WASHC2C: variants seen among roughly 807,000 people sequenced by gnomAD.
The protein encoded by WASHC2C is WASH complex subunit 2C.
A neutral mutation model predicts 142.2 loss-of-function variants in WASHC2C; 73 were observed. That is an observed-to-expected ratio of 0.51 (90% CI 0.43 to 0.62). The LOEUF (loss-of-function observed/expected upper bound fraction) is 0.62. Among genes scored for constraint, WASHC2C ranks in the 20% least tolerant of loss-of-function variants. The pLI, the probability that WASHC2C is intolerant of heterozygous loss-of-function variation, is 0.00. For missense variants in WASHC2C, 969 were observed against 1,531.7 expected, an observed-to-expected ratio of 0.63 and a Z score of 6.13; for synonymous variants, 337 against 565.5, an observed-to-expected ratio of 0.60 and a Z score of 5.73.
chr10:45,769,589 A>C lies in WASHC2C; in HGVS notation c.2010A>C (p.Glu670Asp), dbSNP rs1554883839. The change falls in exon 20 of 31, where the codon GAA (glutamate) becomes GAC (aspartate). Residue 670 changes from glutamate to aspartate, a missense_variant. Coordinates refer to ENST00000623400, the MANE Select transcript of WASHC2C (RefSeq NM_001330074.2). ...CCAGTCTCTTTGAGGAAGACAAAGA[A>C]GATGATCTTTTTGCCATTGCCAAGG... Reference protein sequence around the residue: ...KKTSLFEEDKEDDLFAIAKDS... With the variant: ...KKTSLFEEDKDDDLFAIAKDS... The C allele has an allele frequency of 6.2e-7, 1 of 1,611,966 alleles. No homozygotes were observed. The highest frequency in any genetic ancestry group is 2.2e-5 in the East Asian group (1 of 44,862).
chr10:45,754,407 T>C lies in WASHC2C; in HGVS notation c.1181-79T>C, dbSNP rs563925807. On this transcript the variant is annotated intron_variant, in intron 13 of 30. Transcript: ENST00000623400. The stretch of plus-strand genomic sequence containing the variant: ...GGTCTGGTACTAGCTGTGTGTTACA[T>C]TGCACGTATTTCAGGAAGAAAATAG... The C allele has an allele frequency of 7.0e-5, 113 of 1,605,006 alleles. 1 individual carries two copies. The African/African-American group carries it at 1.3e-3, about 19-fold the overall frequency.
intron 11 of WASHC2C, among the ~76,000 whole-genome samples, chr10:45,751,824 A>T (rs1246909843): frequency 6.6e-5 from 10 of 152,022 alleles, no homozygotes; most frequent in African/African-American, 1.2e-4. Flanking sequence ...AAAAATACAA[A>T]AAATTAGCTT....
At position 45,755,134 on chromosome 10, in the gene WASHC2C, G is replaced by A. The variant is rs566123103; in HGVS notation, c.1420+19G>A. 5.6e-5 allele frequency: 89 copies of A among 1,590,084 alleles called. No homozygotes were observed. The highest frequency in any genetic ancestry group is 4.5e-4 in the Middle Eastern group (2 of 4,402). On this transcript the variant is annotated intron_variant, in intron 15 of 30. Transcript: ENST00000623400. Reference sequence around the variant, plus strand: ...AAAACACGTATGTGTTCCTGCCTCCGTTTCTAGGACTTCAGCCAGAAAAAG... The same window carrying A: ...AAAACACGTATGTGTTCCTGCCTCCATTTCTAGGACTTCAGCCAGAAAAAG...
At chr10:45,739,153 T>G (rs1219721167) in intron 4 of WASHC2C, among the ~76,000 whole-genome samples, 4 of 151,374 alleles carry the variant, frequency 2.6e-5, no homozygotes, top group Non-Finnish European at 5.9e-5. Flanking sequence ...ATACACATTT[T>G]CACAAACTCA....
At chr10:45,769,281 C>CTT (rs1554883647) in intron 19 of WASHC2C, among the ~76,000 whole-genome samples, 168 bp from the exon 20 acceptor site, 2 of 151,172 alleles carry the variant, frequency 1.3e-5, no homozygotes, top group Admixed American at 6.6e-5. Flanking sequence ...CCACGCCCGG[C>CTT]TAATTTTCTT....
chr10:45,732,091 C>T (rs534520416), intron 3 of WASHC2C, among the ~76,000 whole-genome samples: 28 of 152,210 alleles, frequency 1.8e-4, no homozygotes, highest in African/African-American at 5.3e-4. Context: ...CCACCATACC[C>T]GGCAATCTGG....
chr10:45,771,486 TCTGCACTGTATCCAGGTTAG>T, intron 20 of WASHC2C: 1 of 984,932 alleles, frequency 1.0e-6, no homozygotes, highest in African/African-American at 1.7e-5. Context: ...CTGAGCATTT[TCTGCACTGTATCCAGGTTAG>T]CTTATTCCCA....
chr10:45,747,050 T>G (rs1186512214), intron 8 of WASHC2C, among the ~76,000 whole-genome samples: 2 of 152,246 alleles, frequency 1.3e-5, no homozygotes, highest in African/African-American at 2.4e-5. Context: ...TTATCTTAAT[T>G]TTTGAATATC....
At chr10:45,780,984 C>T (rs1423034681) in intron 23 of WASHC2C, among the ~76,000 whole-genome samples, 2 of 151,546 alleles carry the variant, frequency 1.3e-5, no homozygotes, top group African/African-American at 2.4e-5. Context: ...GAACTCTTGA[C>T]CTCAGGTGAT....
intron 21 of WASHC2C, among the ~76,000 whole-genome samples, chr10:45,773,619 C>T (rs1470013445): frequency 6.6e-6 from 1 of 152,284 alleles, no homozygotes; most frequent in Non-Finnish European, 1.5e-5. Context: ...GCATGGAATT[C>T]TGCTAACATT....
intron 19 of WASHC2C, among the ~76,000 whole-genome samples, chr10:45,768,701 A>G (rs1442987026): frequency 6.6e-6 from 1 of 152,168 alleles, no homozygotes; most frequent in African/African-American, 2.4e-5. Flanking sequence ...TCTTGTTCAC[A>G]TGTGTGTTGC....
rs374105095 is a variant in WASHC2C at position 45,752,717 on chromosome 10, G to T, written c.1122+11G>T. 44 of 1,608,378 alleles carry T rather than the reference G, an allele frequency of 2.7e-5. No homozygotes were observed. In the African/African-American group the frequency reaches 5.7e-4, roughly 21 times the overall value. Reference sequence around the variant, plus strand: ...GATGAGGACGAGGAGGTGAGTCCATGGCACCCAGCAACACTCCCTGCAGCT... The same window carrying T: ...GATGAGGACGAGGAGGTGAGTCCATTGCACCCAGCAACACTCCCTGCAGCT... On this transcript the variant is annotated intron_variant, in intron 12 of 30. Coordinates refer to ENST00000623400, the MANE Select transcript of WASHC2C (RefSeq NM_001330074.2).
intron 8 of WASHC2C, among the ~76,000 whole-genome samples, chr10:45,747,912 C>G (rs1288178918): frequency 7.0e-6 from 1 of 143,112 alleles, no homozygotes; most frequent in African/African-American, 2.7e-5. Context: ...AAATCCTTTG[C>G]TTCGGTGAAC....
chr10:45,742,956 A>G (rs1554868993), intron 5 of WASHC2C, among the ~76,000 whole-genome samples: 7 of 150,280 alleles, frequency 4.7e-5, no homozygotes, highest in Non-Finnish European at 1.0e-4. Flanking sequence ...GCTCACTGCA[A>G]CACTGTTTCC....
chr10:45,770,082 A>T (rs1443353616), intron 20 of WASHC2C, among the ~76,000 whole-genome samples: 1 of 151,126 alleles, frequency 6.6e-6, no homozygotes, highest in African/African-American at 2.4e-5. Flanking sequence ...CTACTAAAAA[A>T]ATATAAAAAT....
rs562728795 is a variant in WASHC2C at position 45,730,832 on chromosome 10, G to T, written c.291+1806G>T. On this transcript the variant is annotated intron_variant, in intron 3 of 30. Coordinates refer to ENST00000623400, the MANE Select transcript of WASHC2C (RefSeq NM_001330074.2). ...GACGGGGTTTCACCGAGTTAGCCAG[G>T]ATGATCTCGATCTCCTGACCTCGTG... 2.7e-4 allele frequency among the ~76,000 whole-genome samples: 41 copies of T among 152,088 alleles called. No individual in the cohort carries two copies. In the South Asian group the frequency reaches 5.2e-3, roughly 19 times the overall value.
chr10:45,745,333 CTAGCGCTTTCA>C (rs1187270151), intron 7 of WASHC2C, among the ~76,000 whole-genome samples: 1 of 152,146 alleles, frequency 6.6e-6, no homozygotes, highest in Admixed American at 6.5e-5. Context: ...GCTGCTGCCG[CTAGCGCTTTCA>C]TATCCACAGA....
intron 3 of WASHC2C, among the ~76,000 whole-genome samples, chr10:45,729,929 A>G (rs1554861613): frequency 6.6e-6 from 1 of 152,232 alleles, no homozygotes; most frequent in African/African-American, 2.4e-5. Flanking sequence ...CTCAAGTTAA[A>G]TGCCACTTCC....
intron 30 of WASHC2C, 32 bp from the exon 31 acceptor site, chr10:45,792,229 T>C: frequency 6.4e-7 from 1 of 1,563,604 alleles, no homozygotes; most frequent in Non-Finnish European, 8.7e-7. Flanking sequence ...CCACCCCTCT[T>C]CAGCAACTGT....
Sources: allele counts gnomAD v4.1 joint callset (sites outside exome capture counted in the v4.1 genomes callset), GRCh38; gene constraint gnomAD v4.1.1; transcripts MANE v1.5; gene names NCBI Gene and HGNC (gene_info 2026-07-23, HGNC 2026-07-21).